Variants in ZNF730 observed in about 807,000 individuals in gnomAD.
The protein encoded by ZNF730 is putative zinc finger protein 730.
A neutral mutation model predicts 12.6 loss-of-function variants in ZNF730; 12 were observed. The observed-to-expected ratio is 0.95, with a 90% CI of 0.61 to 1.54. The LOEUF is 1.54. Ranked by LOEUF, ZNF730 falls within the 40% of genes most tolerant of loss-of-function variation. The pLI is 0.00. For missense variants in ZNF730, 643 were observed against 583.5 expected, an observed-to-expected ratio of 1.10 and a Z score of -1.05; for synonymous variants, 194 against 195.8, an observed-to-expected ratio of 0.99 and a Z score of 0.08.
chr19:23,129,577 C>CCG (rs1555715544), intron 1 of ZNF730, among the ~76,000 whole-genome samples: 4 of 150,536 alleles, frequency 2.7e-5, no homozygotes, highest in Admixed American at 1.3e-4. Flanking sequence ...TTGTATCCCC[C>CCG]CCCCCATTAT....
chr19:23,095,505 C>T (rs1007287329), intron 1 of ZNF730: 25 of 398,478 alleles, frequency 6.3e-5, no homozygotes, highest in Non-Finnish European at 1.1e-4. Context: ...TATCACTGGG[C>T]TAAGCACCTA....
intron 1 of ZNF730, among the ~76,000 whole-genome samples, chr19:23,084,347 T>C (rs528443803): frequency 1.3e-5 from 2 of 152,344 alleles, no homozygotes; most frequent in African/African-American, 4.8e-5. Context: ...TCAGATATTG[T>C]GATGCCTTCA....
intron 1 of ZNF730, among the ~76,000 whole-genome samples, chr19:23,125,140 G>T (rs537141249): frequency 1.3e-5 from 2 of 152,240 alleles, no homozygotes; most frequent in South Asian, 4.1e-4. Flanking sequence ...TGCCATGATT[G>T]CGAGGCCTCC....
In ZNF730 at chr19:23,145,536, G is replaced by A. The variant is rs1481111066; in HGVS notation, c.492G>A (p.Lys164=). ...AATTTTCAAATTCAAACAGACATAA[G>A]ATAAGACATACTTCGAAGAAACCTT... ...FHKFSNSNRH[K]IRHTSKKPFK... is the part of the protein sequence containing the mutation. The change falls in exon 4 of 4, where the codon AAG becomes AAA. Residue 164 remains lysine (K), a synonymous_variant. Coordinates refer to ENST00000597761, the MANE Select transcript of ZNF730 (RefSeq NM_001277403.2). 4.0e-5 allele frequency: 63 copies of A among 1,556,080 alleles called. No individual in the cohort carries two copies. The highest frequency in any genetic ancestry group is 5.3e-5 in the Non-Finnish European group (61 of 1,150,956).
chr19:23,146,462 T>C lies in ZNF730; in HGVS notation c.1418T>C (p.Ile473Thr), dbSNP rs749941296. The change falls in exon 4 of 4, where the codon ATT becomes ACT. Residue 473 changes from isoleucine to threonine, a missense_variant. Physicochemically the swap from Ile to Thr is moderately conservative, Grantham distance 89. Coordinates refer to ENST00000597761, the MANE Select transcript of ZNF730 (RefSeq NM_001277403.2). ...RSSTLTTHKIIHSGEKIYKCK... is the reference protein window; with the variant it reads ...RSSTLTTHKITHSGEKIYKCK... The stretch of plus-strand genomic sequence containing the variant: ...TCAACCCTCACTACACATAAGATAA[T>C]TCATTCTGGGGAAAAAATCTACAAA... 3 of 1,609,930 alleles carry C rather than the reference T, an allele frequency of 1.9e-6. No individual in the cohort carries two copies. The South Asian group carries it at 3.3e-5, about 18-fold the overall frequency.
At position 23,145,618 on chromosome 19, in the gene ZNF730, A is replaced by T. The variant is rs1417239874; in HGVS notation, c.574A>T (p.Lys192Ter). ...CATTCTTTCACACTTAGCTCAACAT[A>T]AAAAAATTCATACTGGAGAGAAATC... ...FCILSHLAQH[K>*]KIHTGEKSYK... Residue 192 changes from lysine to a stop codon, truncating the protein, a stop_gained, in exon 4 of 4, where the codon AAA (lysine) becomes TAA (stop). Coordinates refer to ENST00000597761, the MANE Select transcript of ZNF730 (RefSeq NM_001277403.2). LOFTEE classifies it low-confidence loss of function (END_TRUNC). 2.6e-6 allele frequency: 4 copies of T among 1,545,918 alleles called. No homozygotes were observed. Among genetic ancestry groups the T allele is most frequent in the Non-Finnish European group, 3.5e-6 (4 of 1,147,632 alleles).
intron 1 of ZNF730, among the ~76,000 whole-genome samples, chr19:23,078,575 G>A (rs1217481814): frequency 1.3e-5 from 2 of 152,176 alleles, no homozygotes; most frequent in Admixed American, 6.5e-5. Flanking sequence ...TGAGATGGTA[G>A]AGATAATGAT....
At chr19:23,129,687 G>A (rs1425736462) in intron 1 of ZNF730, among the ~76,000 whole-genome samples, 1 of 151,550 alleles carries the variant, frequency 6.6e-6, no homozygotes, top group Non-Finnish European at 1.5e-5. Flanking sequence ...CTTTTGAGTT[G>A]ATGCTGAAAT....
At chr19:23,114,561 C>T (rs1970496504), upstream of ZNF730, among the ~76,000 whole-genome samples, 1 of 151,416 alleles carries the variant, frequency 6.6e-6, no homozygotes, top group Non-Finnish European at 1.5e-5. Flanking sequence ...ACCGTGTTAG[C>T]CAGGATGGTC....
chr19:23,146,279 C>G lies in ZNF730; in HGVS notation c.1235C>G (p.Thr412Ser), dbSNP rs140123624. ...GKAFSRISHL[T>S]THKRIHTGEK... ...GCCTTTAGCCGTATCTCACACCTTA[C>G]TACACATAAGAGAATTCATACTGGA... The change falls in exon 4 of 4, where the codon ACT becomes AGT. Residue 412 changes from threonine to serine, a missense_variant. By Grantham distance (58) the Thr-to-Ser change is moderately conservative. Transcript: ENST00000597761. 17 of 1,613,602 alleles carry G rather than the reference C, an allele frequency of 1.1e-5. No homozygotes were observed. The highest frequency in any genetic ancestry group is 1.4e-5 in the Non-Finnish European group (17 of 1,179,804).
At chr19:23,144,713 A>AAAAAAAAAAAAT (rs1283307705) in intron 3 of ZNF730, among the ~76,000 whole-genome samples, 19 of 151,420 alleles carry the variant, frequency 1.3e-4, no homozygotes, top group African/African-American at 4.6e-4. Flanking sequence ...AAAAAAAAAA[A>AAAAAAAAAAAAT]AAATTAGTAA....
intron 1 of ZNF730, among the ~76,000 whole-genome samples, chr19:23,075,697 G>T (rs1969845837): frequency 6.6e-6 from 1 of 152,142 alleles, no homozygotes; most frequent in African/African-American, 2.4e-5. Context: ...AGGTGTGTGC[G>T]TGGGAGGAGC....
chr19:23,095,268 A>G (rs1441932684), intron 1 of ZNF730: 1 of 397,398 alleles, frequency 2.5e-6, no homozygotes, highest in Non-Finnish European at 4.4e-6. Flanking sequence ...CACAGGGGAC[A>G]TTGTGTAATA....
chr19:23,086,915 T>C (rs1422136702), intron 1 of ZNF730, among the ~76,000 whole-genome samples: 1 of 152,216 alleles, frequency 6.6e-6, no homozygotes, highest in Non-Finnish European at 1.5e-5. Flanking sequence ...GGATTCTTAT[T>C]ATTCATAAGC....
chr19:23,122,451 C>T (rs1970611228), intron 1 of ZNF730, among the ~76,000 whole-genome samples: 1 of 152,040 alleles, frequency 6.6e-6, no homozygotes, highest in African/African-American at 2.4e-5. Flanking sequence ...CCGTTTAAAG[C>T]TTATTTTAAG....
rs1466112734 is a variant in ZNF730 at position 23,134,089 on chromosome 19, A to C, written c.13A>C (p.Thr5Pro). The C allele has an allele frequency of 1.2e-6, 2 of 1,613,340 alleles. No individual in the cohort carries two copies. The highest frequency in any genetic ancestry group is 1.7e-5 in the Admixed American group (1 of 59,958). The part of the protein sequence containing the change: MGAL[T>P]FRDVAIEFSL... ...TGTTTGTGTTTTTCAGGGAGCGTTGACATTTAGAGATGTGGCCATAGAATT... is the reference window on the plus strand; with the variant it reads ...TGTTTGTGTTTTTCAGGGAGCGTTGCCATTTAGAGATGTGGCCATAGAATT... The change falls in exon 2 of 4, where the codon ACA becomes CCA. Residue 5 changes from threonine to proline, a missense_variant. Transcript: ENST00000597761.
At chr19:23,121,469 G>A (rs1335289470) in intron 1 of ZNF730, among the ~76,000 whole-genome samples, 1 of 152,108 alleles carries the variant, frequency 6.6e-6, no homozygotes, top group East Asian at 1.9e-4. Context: ...AGCCTCCTGA[G>A]TAGCTGGGAT....
At chr19:23,097,451 G>A (rs1300588134) in intron 1 of ZNF730, among the ~76,000 whole-genome samples, 1 of 151,710 alleles carries the variant, frequency 6.6e-6, no homozygotes, top group Non-Finnish European at 1.5e-5. Context: ...ATCCTGCCCG[G>A]AAGAAAACTG....
chr19:23,109,314 C>T (rs1311689170), intron 1 of ZNF730, among the ~76,000 whole-genome samples: 9 of 151,674 alleles, frequency 5.9e-5, no homozygotes, highest in South Asian at 2.1e-4. Flanking sequence ...ACTGCAACCC[C>T]GCCTCCCAGG....
Sources: gnomAD v4.1 joint callset for allele counts (sites outside exome capture counted in the v4.1 genomes callset) on GRCh38, gnomAD v4.1.1 for gene constraint, MANE v1.5 for transcripts, NCBI Gene and HGNC (gene_info 2026-07-23, HGNC 2026-07-21) for gene names.